Variants in KAZN observed in about 807,000 individuals in gnomAD.
KAZN encodes the protein kazrin, periplakin interacting protein, also known as kazrin.
KAZN carries 40 observed loss-of-function variants against 87.4 expected under a neutral mutation model. That is an observed-to-expected ratio of 0.46 (90% CI 0.36 to 0.60). KAZN has a LOEUF of 0.60. Among genes scored for constraint, KAZN ranks in the 20% least tolerant of loss-of-function variants. The pLI is 0.00. For missense variants in KAZN, 898 were observed against 1,073.9 expected (o/e 0.84, Z 2.29); for synonymous variants, 466 against 458.3 (o/e 1.02, Z -0.22).
intron 2 of KAZN, among the ~76,000 whole-genome samples, chr1:14,241,616 G>A (rs1648942551): frequency 1.3e-5 from 2 of 152,270 alleles, no homozygotes; most frequent in Non-Finnish European, 1.5e-5. Flanking sequence ...CCCTACCCAT[G>A]TTTTGGCTTA....
At chr1:14,817,149 G>A (rs1254953568) in intron 1 of KAZN, among the ~76,000 whole-genome samples, 1 of 152,104 alleles carries the variant, frequency 6.6e-6, no homozygotes, top group Non-Finnish European at 1.5e-5. Flanking sequence ...CACTGATGTG[G>A]ACTGTTGAGG....
intron 2 of KAZN, among the ~76,000 whole-genome samples, chr1:14,454,063 C>A (rs1314517507): frequency 6.6e-6 from 1 of 152,110 alleles, no homozygotes; most frequent in East Asian, 1.9e-4. Flanking sequence ...TTCAACTGGA[C>A]AATAGGGTGG....
chr1:14,292,549 G>A (rs546192930), intron 2 of KAZN, among the ~76,000 whole-genome samples: 9 of 152,306 alleles, frequency 5.9e-5, no homozygotes, highest in Admixed American at 3.9e-4. Context: ...AGTGAAGGCA[G>A]GTGCAGTGCT....
chr1:14,130,943 G>A (rs945082555), intron 1 of KAZN, among the ~76,000 whole-genome samples: 4 of 152,086 alleles, frequency 2.6e-5, no homozygotes, highest in Non-Finnish European at 5.9e-5. Flanking sequence ...GTATTAGTCC[G>A]TTTTTGCACT....
intron 1 of KAZN, among the ~76,000 whole-genome samples, chr1:14,854,595 A>G (rs1649852533): frequency 6.6e-6 from 1 of 152,126 alleles, no homozygotes; most frequent in Non-Finnish European, 1.5e-5. Flanking sequence ...GCGGGAGCTA[A>G]TGCATTTCCA....
chr1:14,246,746 A>G (rs990291487), intron 2 of KAZN, among the ~76,000 whole-genome samples: 2 of 152,268 alleles, frequency 1.3e-5, no homozygotes, highest in South Asian at 2.1e-4. Flanking sequence ...TAGTTGTGCA[A>G]TGTTTCGAGC....
intron 2 of KAZN, among the ~76,000 whole-genome samples, chr1:14,533,647 C>T (rs1672330169): frequency 6.6e-6 from 1 of 152,144 alleles, no homozygotes; most frequent in Admixed American, 6.5e-5. Context: ...GGATCCATCC[C>T]GTTTGCTCCT....
At chr1:14,209,856 G>T (rs1342453231) in intron 2 of KAZN, among the ~76,000 whole-genome samples, 1 of 152,164 alleles carries the variant, frequency 6.6e-6, no homozygotes, top group Non-Finnish European at 1.5e-5. Flanking sequence ...ATACAGCCAG[G>T]CCTGTTATTG....
At position 14,444,540 on chromosome 1, in the gene KAZN, T is replaced by C. The variant is rs544014729; in HGVS notation, c.250-154443T>C. 1.5e-4 allele frequency among the ~76,000 whole-genome samples: 23 copies of C among 152,176 alleles called. No homozygotes were observed. In the South Asian group the frequency reaches 4.6e-3, roughly 30 times the overall value. ...TTGGTCAGGCTGGTCTCAAAACTCC[T>C]AACCTCAGGTGATCTGCCCTCCTTG... is the stretch of plus-strand genomic sequence containing the variant. On this transcript the variant is annotated intron_variant, in intron 2 of 16. Coordinates refer to the KAZN transcript ENST00000636203.
At chr1:14,273,917 A>C (rs1652149056) in intron 2 of KAZN, among the ~76,000 whole-genome samples, 1 of 152,300 alleles carries the variant, frequency 6.6e-6, no homozygotes, top group African/African-American at 2.4e-5. Context: ...TAACAGATTC[A>C]AAATATGCAA....
At chr1:14,797,521 C>T (rs1360719255) in intron 1 of KAZN, among the ~76,000 whole-genome samples, 2 of 152,098 alleles carry the variant, frequency 1.3e-5, no homozygotes, top group Non-Finnish European at 2.9e-5. Context: ...GTTAAAAGGC[C>T]AAGTGAAGAG....
intron 1 of KAZN, among the ~76,000 whole-genome samples, chr1:14,156,784 C>T (rs574153097): frequency 9.2e-5 from 14 of 152,154 alleles, no homozygotes; most frequent in African/African-American, 3.4e-4. Flanking sequence ...GTTTTTTAGG[C>T]CATTCAGCCA....
At chr1:14,626,836 G>T (rs1050823499) in intron 1 of KAZN, among the ~76,000 whole-genome samples, 2 of 152,118 alleles carry the variant, frequency 1.3e-5, no homozygotes, top group Non-Finnish European at 2.9e-5. Context: ...GGTTGTTCAT[G>T]CTGCTTGCGG....
At chr1:15,074,058 TTGG>T (rs2100602705) in intron 8 of KAZN, among the ~76,000 whole-genome samples, 1 of 152,298 alleles carries the variant, frequency 6.6e-6, no homozygotes, top group African/African-American at 2.4e-5. Context: ...AGTGTTCAGG[TTGG>T]TCAAGGACTC....
chr1:14,258,530 T>TA (rs948755066), intron 2 of KAZN, among the ~76,000 whole-genome samples: 6 of 151,858 alleles, frequency 4.0e-5, no homozygotes, highest in Non-Finnish European at 8.8e-5. Flanking sequence ...CCACTGCGCC[T>TA]AAAAAAACAC....
chr1:14,282,563 G>GC (rs1445593764), intron 2 of KAZN, among the ~76,000 whole-genome samples: 2 of 152,128 alleles, frequency 1.3e-5, no homozygotes, highest in Admixed American at 1.3e-4. Context: ...AGACATTGAT[G>GC]CCCCCCTTAG....
chr1:14,324,033 G>T (rs1052428086), intron 2 of KAZN, among the ~76,000 whole-genome samples: 1 of 152,122 alleles, frequency 6.6e-6, no homozygotes, highest in South Asian at 2.1e-4. Context: ...ACAATGCCTT[G>T]CCAAATGCAG....
intron 2 of KAZN, among the ~76,000 whole-genome samples, chr1:15,001,571 G>T (rs1324049216): frequency 6.6e-6 from 1 of 152,126 alleles, no homozygotes; most frequent in African/African-American, 2.4e-5. Context: ...ACTGTGAGCA[G>T]TGCACACAGA....
intron 2 of KAZN, among the ~76,000 whole-genome samples, chr1:14,259,388 A>G (rs2100646291): frequency 6.6e-6 from 1 of 152,018 alleles, no homozygotes; most frequent in South Asian, 2.1e-4. Context: ...CCGAGCTGGG[A>G]CGGCGGCCAT....
Sources: gnomAD v4.1 joint callset for allele counts (sites outside exome capture counted in the v4.1 genomes callset) on GRCh38, gnomAD v4.1.1 for gene constraint, MANE v1.5 for transcripts, NCBI Gene and HGNC (gene_info 2026-07-23, HGNC 2026-07-21) for gene names.